RABGAP1L: variants seen among roughly 807,000 people sequenced by gnomAD.
The protein encoded by RABGAP1L is RAB GTPase activating protein 1 like.
A neutral mutation model predicts 137.7 loss-of-function variants in RABGAP1L; 63 were observed. The observed-to-expected ratio is 0.46, with a 90% CI of 0.37 to 0.56. The LOEUF is 0.56. RABGAP1L is among the 20% of genes least tolerant of loss of function. The pLI is 0.00. For missense variants in RABGAP1L, 1,095 were observed against 1,244.0 expected, an observed-to-expected ratio of 0.88 and a Z score of 1.80; for synonymous variants, 431 against 433.7, an observed-to-expected ratio of 0.99 and a Z score of 0.08.
At chr1:174,824,118 C>T (rs996440822) in intron 19 of RABGAP1L, among the ~76,000 whole-genome samples, 20 of 151,940 alleles carry the variant, frequency 1.3e-4, no homozygotes, top group Admixed American at 2.0e-4. Context: ...GGTGAAACCC[C>T]GTCTCTACTA....
At position 174,243,928 on chromosome 1, in the gene RABGAP1L, G is replaced by A. The variant is rs145775148; in HGVS notation, c.717+2271G>A. On this transcript the variant is annotated intron_variant, in intron 5 of 25. Transcript: ENST00000681986. The stretch of plus-strand genomic sequence containing the variant: ...CTTACATATTATAAAACACAAATGT[G>A]GATTTTTGTATTTTAGTTATGTTTT... 1.2e-3 allele frequency among the ~76,000 whole-genome samples: 189 copies of A among 152,232 alleles called. 1 individual carries two copies. The highest frequency in any genetic ancestry group is 4.1e-3 in the African/African-American group (170 of 41,530).
At chr1:174,855,867 T>C (rs373296847) in intron 19 of RABGAP1L, among the ~76,000 whole-genome samples, 1 of 152,206 alleles carries the variant, frequency 6.6e-6, no homozygotes, top group Non-Finnish European at 1.5e-5. Flanking sequence ...GTTCTTGAGT[T>C]TTTCATTCTG....
chr1:174,795,042 T>C (rs1363123420), intron 18 of RABGAP1L, among the ~76,000 whole-genome samples: 2 of 152,128 alleles, frequency 1.3e-5, no homozygotes, highest in African/African-American at 4.8e-5. Context: ...AGTGCAAGGC[T>C]CTAACTGGGA....
At chr1:174,454,075 C>A (rs1056903165) in intron 13 of RABGAP1L, among the ~76,000 whole-genome samples, 1 of 151,948 alleles carries the variant, frequency 6.6e-6, no homozygotes, top group Admixed American at 6.6e-5. Context: ...CCATCCCGGC[C>A]AAAATGGTGA....
chr1:174,433,376 A>G (rs1271484589), intron 13 of RABGAP1L, among the ~76,000 whole-genome samples: 4 of 152,180 alleles, frequency 2.6e-5, no homozygotes, highest in African/African-American at 7.2e-5. Flanking sequence ...TTGACCTATT[A>G]ATTTTGTTTT....
At chr1:174,617,615 C>A (rs6683602) in intron 13 of RABGAP1L, among the ~76,000 whole-genome samples, 88,290 of 152,068 alleles carry the variant, frequency 0.58, 27,968 homozygotes, top group African/African-American at 0.85. Context: ...TATAAAAGGG[C>A]ATACAATGGC....
intron 10 of RABGAP1L, among the ~76,000 whole-genome samples, chr1:174,292,329 C>CTTTTTT (rs61636433): frequency 3.2e-4 from 16 of 50,622 alleles, no homozygotes; most frequent in South Asian, 1.0e-3. Flanking sequence ...CCTACCTAAT[C>CTTTTTT]TTTTTTTTTT....
chr1:174,663,292 A>G (rs1676527094), intron 14 of RABGAP1L, among the ~76,000 whole-genome samples: 1 of 152,194 alleles, frequency 6.6e-6, no homozygotes, highest in Admixed American at 6.5e-5. Flanking sequence ...AGACACTCAA[A>G]TAATTATCAT....
intron 18 of RABGAP1L, among the ~76,000 whole-genome samples, chr1:174,780,087 TA>T (rs1686840657): frequency 1.3e-5 from 2 of 149,208 alleles, no homozygotes; most frequent in African/African-American, 2.5e-5. Context: ...AATAAATAAA[TA>T]AATAAATAAA....
chr1:174,869,751 A>C (rs1651882062), intron 19 of RABGAP1L, among the ~76,000 whole-genome samples: 1 of 152,136 alleles, frequency 6.6e-6, no homozygotes, highest in Non-Finnish European at 1.5e-5. Flanking sequence ...TGGTGATTAG[A>C]TCATGCGGGT....
In RABGAP1L at chr1:174,175,492, CT is replaced by C. The variant is rs771691150; in HGVS notation, c.-34+15850del. 4.1e-3 allele frequency among the ~76,000 whole-genome samples: 560 copies of C among 137,116 alleles called. 1 individual carries two copies. Among genetic ancestry groups the C allele is most frequent in the East Asian group, 0.03 (143 of 4,764 alleles). 90.0% of individuals were successfully genotyped at this position (137,116 alleles called of 152,430 possible). ...CATTAGACTACAGGCTTTCTTTTTT[CT>C]TTTTTTTTTTTTTTGAGACAGAGTC... On this transcript the variant is annotated intron_variant, in intron 1 of 25. Coordinates refer to ENST00000681986, the MANE Select transcript of RABGAP1L (RefSeq NM_001366446.1).
chr1:174,268,269 G>C (rs1483990173), intron 7 of RABGAP1L, among the ~76,000 whole-genome samples: 1 of 149,452 alleles, frequency 6.7e-6, no homozygotes, highest in African/African-American at 2.5e-5. Flanking sequence ...GTGCAATCTC[G>C]GCTCACTGTA....
intron 18 of RABGAP1L, among the ~76,000 whole-genome samples, chr1:174,766,241 T>G (rs769178689): frequency 2.0e-5 from 3 of 152,196 alleles, no homozygotes; most frequent in Non-Finnish European, 4.4e-5. Context: ...TCACTGTTGT[T>G]AAGCCACCCA....
At chr1:174,531,620 C>CAG (rs1558313373) in intron 13 of RABGAP1L, among the ~76,000 whole-genome samples, 1 of 151,896 alleles carries the variant, frequency 6.6e-6, no homozygotes, top group East Asian at 1.9e-4. Flanking sequence ...TTAGTTCAAG[C>CAG]TACTTGGGGG....
chr1:174,580,491 T>G (rs1442908049), intron 13 of RABGAP1L, among the ~76,000 whole-genome samples: 2 of 152,144 alleles, frequency 1.3e-5, no homozygotes, highest in African/African-American at 4.8e-5. Flanking sequence ...GGGACATGGA[T>G]TAAGCTGGAA....
intron 22 of RABGAP1L, 144 bp from the exon 23 acceptor site, chr1:174,978,663 G>A: frequency 1.0e-6 from 1 of 1,002,104 alleles, no homozygotes; most frequent in African/African-American, 1.7e-5. Context: ...AGATTATCAA[G>A]ATGCAGCTTC....
At chr1:174,778,801 G>A (rs1686736014) in intron 18 of RABGAP1L, among the ~76,000 whole-genome samples, 1 of 151,888 alleles carries the variant, frequency 6.6e-6, no homozygotes, top group Non-Finnish European at 1.5e-5. Flanking sequence ...TCACTATGTT[G>A]GCCAGGCTTG....
At position 174,498,050 on chromosome 1, in the gene RABGAP1L, A is replaced by AT. The variant is rs1431539418; in HGVS notation, c.1710+103912dup. 1.8e-4 allele frequency among the ~76,000 whole-genome samples: 27 copies of AT among 152,240 alleles called. No homozygotes were observed. The East Asian group carries it at 3.9e-3, about 22-fold the overall frequency. On this transcript the variant is annotated intron_variant, in intron 13 of 25. Coordinates refer to ENST00000681986, the MANE Select transcript of RABGAP1L (RefSeq NM_001366446.1). Reference sequence around the variant, plus strand: ...AGAGGCTTATTTTAAAACAAGTTTTATTTTTTTATTTCACATTTTTAAAGT... The same window carrying AT: ...AGAGGCTTATTTTAAAACAAGTTTTATTTTTTTTATTTCACATTTTTAAAGT...
At chr1:174,939,867 A>T (rs912358724) in intron 19 of RABGAP1L, among the ~76,000 whole-genome samples, 2 of 152,236 alleles carry the variant, frequency 1.3e-5, no homozygotes, top group African/African-American at 4.8e-5. Context: ...CATAGTCTTT[A>T]TCTGTTTCTT....
Sources: gnomAD v4.1 joint callset for allele counts (sites outside exome capture counted in the v4.1 genomes callset) on GRCh38, gnomAD v4.1.1 for gene constraint, MANE v1.5 for transcripts, NCBI Gene and HGNC (gene_info 2026-07-23, HGNC 2026-07-21) for gene names.